The following LHFPL3 variants were observed in gnomAD, a reference collection of about 807,000 sequenced individuals.
LHFPL3 encodes the protein LHFPL tetraspan subfamily member 3 protein.
Under a neutral mutation model 19.3 loss-of-function variants are expected in LHFPL3, and 5 were observed. The ratio of observed to expected loss-of-function variants is 0.26; its 90% CI spans 0.14 to 0.54. The LOEUF is 0.54. LHFPL3 is among the 20% of genes least tolerant of loss of function. The probability of loss-of-function intolerance (pLI) is 0.94; values close to 1 mark genes in which losing one functional copy is unlikely to be tolerated. For synonymous variants in LHFPL3, 133 were observed against 126.2 expected (o/e 1.05, Z -0.36); for missense variants, 249 against 307.4 (o/e 0.81, Z 1.42).
intron 1 of LHFPL3, among the ~76,000 whole-genome samples, chr7:104,444,284 A>G (rs1479839725): frequency 1.3e-5 from 2 of 152,212 alleles, no homozygotes; most frequent in Non-Finnish European, 2.9e-5. Context: ...TGTAGAAAGC[A>G]AACAACAGCA....
chr7:104,626,492 G>A (rs1485330147), intron 1 of LHFPL3, among the ~76,000 whole-genome samples: 1 of 152,162 alleles, frequency 6.6e-6, no homozygotes, highest in Admixed American at 6.5e-5. Context: ...CCAATCCAGT[G>A]TAGAAATCCA....
chr7:104,465,342 A>T (rs561701580), intron 1 of LHFPL3, among the ~76,000 whole-genome samples: 79 of 152,216 alleles, frequency 5.2e-4, no homozygotes, highest in Admixed American at 5.2e-3. Flanking sequence ...GAGTCCTCCA[A>T]AGGGTTCCAA....
chr7:104,812,404 C>T (rs529219962), intron 2 of LHFPL3, among the ~76,000 whole-genome samples: 1 of 152,090 alleles, frequency 6.6e-6, no homozygotes, highest in Non-Finnish European at 1.5e-5. Context: ...CATGGATGAA[C>T]CTTACAATGT....
At chr7:104,466,851 G>A (rs1036465775) in intron 1 of LHFPL3, among the ~76,000 whole-genome samples, 15 of 152,118 alleles carry the variant, frequency 9.9e-5, no homozygotes, top group African/African-American at 2.4e-4. Flanking sequence ...CAGCATCTGC[G>A]GTAAGAGTTC....
chr7:104,504,095 C>T (rs1793654121), intron 1 of LHFPL3, among the ~76,000 whole-genome samples: 1 of 152,184 alleles, frequency 6.6e-6, no homozygotes. Flanking sequence ...TTTCATCTGT[C>T]TTCGTGAATC....
In LHFPL3 at chr7:104,659,489, T is replaced by C. The variant is rs547609312; in HGVS notation, c.446-77186T>C. The stretch of plus-strand genomic sequence containing the variant: ...AGCAGGGCATGAACTTTTAGACACC[T>C]TTCAGGAGTACTCCATAATATATGG... On this transcript the variant is annotated intron_variant, in intron 1 of 2. Transcript: ENST00000424859. Among the ~76,000 whole-genome samples the C allele has an allele frequency of 2.6e-5, 4 of 152,314 alleles. No homozygotes were observed. The East Asian group carries it at 7.7e-4, about 29-fold the overall frequency.
At chr7:104,888,831 A>G (rs1792195067) in intron 2 of LHFPL3, among the ~76,000 whole-genome samples, 1 of 152,224 alleles carries the variant, frequency 6.6e-6, no homozygotes, top group African/African-American at 2.4e-5. Context: ...AGGCGAAGGA[A>G]GAGGGGAGAT....
chr7:104,557,959 G>T (rs1789884771), intron 1 of LHFPL3, among the ~76,000 whole-genome samples: 1 of 150,316 alleles, frequency 6.7e-6, no homozygotes, highest in Non-Finnish European at 1.5e-5. Context: ...ATAGTTTACT[G>T]AGAATCATGA....
chr7:104,329,322 C>A (rs1005313727), intron 1 of LHFPL3, 98 bp downstream of exon 1: 2 of 1,430,778 alleles, frequency 1.4e-6, no homozygotes, highest in Non-Finnish European at 1.9e-6. Flanking sequence ...CGCGCCGCTG[C>A]GAGCCAAGCC....
At chr7:104,820,293 T>C (rs1473496480) in intron 2 of LHFPL3, among the ~76,000 whole-genome samples, 2 of 152,154 alleles carry the variant, frequency 1.3e-5, no homozygotes, top group African/African-American at 4.8e-5. Context: ...TAAAGTACCA[T>C]GGCTCCAGAT....
At chr7:104,758,881 G>A (rs1244460676) in intron 2 of LHFPL3, among the ~76,000 whole-genome samples, 7 of 152,158 alleles carry the variant, frequency 4.6e-5, no homozygotes, top group African/African-American at 9.7e-5. Flanking sequence ...CCAAATCCTC[G>A]TAACCCTAAA....
intron 2 of LHFPL3, among the ~76,000 whole-genome samples, chr7:104,885,337 TG>T (rs1391437585): frequency 6.6e-6 from 1 of 152,174 alleles, no homozygotes; most frequent in African/African-American, 2.4e-5. Context: ...GTACAATGGA[TG>T]GCTCCCAAAT....
intron 1 of LHFPL3, among the ~76,000 whole-genome samples, chr7:104,699,803 C>T (rs903975042): frequency 6.6e-6 from 1 of 152,190 alleles, no homozygotes; most frequent in African/African-American, 2.4e-5. Flanking sequence ...GTGCAAGGCC[C>T]TTGGTTTACA....
At chr7:104,656,253 A>G (rs1187054719) in intron 1 of LHFPL3, among the ~76,000 whole-genome samples, 1 of 147,030 alleles carries the variant, frequency 6.8e-6, no homozygotes, top group African/African-American at 2.5e-5. Context: ...TTTTTTTTTC[A>G]TGATTGCTAA....
intron 1 of LHFPL3, among the ~76,000 whole-genome samples, chr7:104,661,058 C>G (rs759037974): frequency 6.6e-6 from 1 of 152,130 alleles, no homozygotes; most frequent in Non-Finnish European, 1.5e-5. Context: ...GGAGGGATGC[C>G]TCAGTATTGA....
intron 1 of LHFPL3, among the ~76,000 whole-genome samples, chr7:104,529,354 T>C (rs1794248577): frequency 6.6e-6 from 1 of 152,156 alleles, no homozygotes; most frequent in South Asian, 2.1e-4. Flanking sequence ...CTGCCCCCAA[T>C]GTCTCCATCA....
chr7:104,804,417 A>C (rs967431196), intron 2 of LHFPL3, among the ~76,000 whole-genome samples: 1 of 152,144 alleles, frequency 6.6e-6, no homozygotes, highest in African/African-American at 2.4e-5. Flanking sequence ...TGATGGGCAA[A>C]CTCTAGATGA....
chr7:104,599,201 G>A (rs1024064468), intron 1 of LHFPL3, among the ~76,000 whole-genome samples: 1 of 152,190 alleles, frequency 6.6e-6, no homozygotes, highest in Admixed American at 6.5e-5. Flanking sequence ...CCTAATCAAT[G>A]AGGGTTATTC....
chr7:104,719,938 C>T (rs1417750512), intron 1 of LHFPL3, among the ~76,000 whole-genome samples: 1 of 152,036 alleles, frequency 6.6e-6, no homozygotes, highest in African/African-American at 2.4e-5. Context: ...CAAGGTTGGT[C>T]GAGAAATAAC....
Sources: gnomAD v4.1 joint callset for allele counts (sites outside exome capture counted in the v4.1 genomes callset) on GRCh38, gnomAD v4.1.1 for gene constraint, MANE v1.5 for transcripts, NCBI Gene and HGNC (gene_info 2026-07-23, HGNC 2026-07-21) for gene names.